The following TMTC2 variants were observed in gnomAD, a reference collection of about 807,000 sequenced individuals.
TMTC2 encodes transmembrane O-mannosyltransferase targeting cadherins 2, also known as protein O-mannosyl-transferase TMTC2.
Under a neutral mutation model 82.4 loss-of-function variants are expected in TMTC2, and 43 were observed. That is an observed-to-expected ratio of 0.52 (90% CI 0.41 to 0.67). The LOEUF is 0.67. TMTC2 is among the 30% of genes least tolerant of loss of function. The pLI, the probability that TMTC2 is intolerant of heterozygous loss-of-function variation, is 0.00. For missense variants in TMTC2, 919 were observed against 1,012.4 expected (o/e 0.91, Z 1.25); for synonymous variants, 408 against 381.9 (o/e 1.07, Z -0.80).
At chr12:82,806,125 A>C (rs1879230421) in intron 1 of TMTC2, among the ~76,000 whole-genome samples, 1 of 152,112 alleles carries the variant, frequency 6.6e-6, no homozygotes, top group South Asian at 2.1e-4. Flanking sequence ...GAGGAATTGG[A>C]AGGAAATCTT....
At chr12:82,783,907 T>C (rs1878035537) in intron 1 of TMTC2, among the ~76,000 whole-genome samples, 1 of 152,106 alleles carries the variant, frequency 6.6e-6, no homozygotes, top group African/African-American at 2.4e-5. Context: ...TGCACCTCTC[T>C]CTGCCTGCTA....
intron 1 of TMTC2, among the ~76,000 whole-genome samples, chr12:82,779,015 C>T (rs142887033): frequency 0.11 from 15,255 of 143,178 alleles, 921 homozygotes; most frequent in Middle Eastern, 0.21. Flanking sequence ...CCAACCTGGG[C>T]GACAGAGCGA....
intron 3 of TMTC2, among the ~76,000 whole-genome samples, chr12:82,911,544 G>C (rs759144879): frequency 6.6e-6 from 1 of 152,020 alleles, no homozygotes; most frequent in Non-Finnish European, 1.5e-5. Flanking sequence ...CATATTAGAC[G>C]TTCTTTTTTA....
At chr12:83,121,987 T>A (rs922219075) in intron 11 of TMTC2, among the ~76,000 whole-genome samples, 1 of 152,084 alleles carries the variant, frequency 6.6e-6, no homozygotes, top group Admixed American at 6.5e-5. Flanking sequence ...GAAGGGCCGG[T>A]CTGACTCCCA....
intron 1 of TMTC2, among the ~76,000 whole-genome samples, chr12:82,719,401 A>G (rs182730135): frequency 5.3e-5 from 8 of 152,184 alleles, no homozygotes; most frequent in African/African-American, 1.9e-4. Context: ...CTGGATGATT[A>G]TATTTTAAAT....
At chr12:82,746,018 A>G (rs892936610) in intron 1 of TMTC2, among the ~76,000 whole-genome samples, 2 of 152,160 alleles carry the variant, frequency 1.3e-5, no homozygotes, top group East Asian at 1.9e-4. Context: ...TGTCAGGCCT[A>G]TTGGTCCTGG....
intron 4 of TMTC2, among the ~76,000 whole-genome samples, chr12:82,952,080 A>G (rs1472670326): frequency 3.3e-5 from 5 of 152,310 alleles, no homozygotes; most frequent in African/African-American, 1.2e-4. Context: ...CGGAGCTCAG[A>G]TTCAATAACT....
chr12:82,798,143 G>A (rs1176522735), intron 1 of TMTC2, among the ~76,000 whole-genome samples: 1 of 150,684 alleles, frequency 6.6e-6, no homozygotes, highest in African/African-American at 2.4e-5. Flanking sequence ...TTTTAGTAGA[G>A]ACGGGGTTTC....
At chr12:82,865,587 C>T (rs1319940565) in intron 2 of TMTC2, among the ~76,000 whole-genome samples, 1 of 152,164 alleles carries the variant, frequency 6.6e-6, no homozygotes, top group African/African-American at 2.4e-5. Flanking sequence ...CCACTGTCAA[C>T]ATTAGACAGA....
chr12:82,960,966 A>C (rs1877898509), intron 4 of TMTC2, among the ~76,000 whole-genome samples: 1 of 151,962 alleles, frequency 6.6e-6, no homozygotes, highest in African/African-American at 2.4e-5. Context: ...ATGATTTATT[A>C]AATTACAGGT....
intron 1 of TMTC2, among the ~76,000 whole-genome samples, chr12:82,717,324 A>C (rs181508071): frequency 8.6e-5 from 13 of 151,886 alleles, no homozygotes; most frequent in Non-Finnish European, 1.8e-4. Context: ...TCCTGGGTTC[A>C]AGCGATTCTC....
At chr12:83,093,609 T>C (rs1010962876) in intron 11 of TMTC2, among the ~76,000 whole-genome samples, 1 of 152,214 alleles carries the variant, frequency 6.6e-6, no homozygotes, top group African/African-American at 2.4e-5. Flanking sequence ...AATCCCCTGC[T>C]GAATCTGTAC....
chr12:82,900,827 C>A (rs1434953193), intron 3 of TMTC2, among the ~76,000 whole-genome samples: 1 of 117,982 alleles, frequency 8.5e-6, no homozygotes. Flanking sequence ...ATATATATAC[C>A]TGGAATATAT....
At chr12:82,882,259 A>C (rs1796181) in intron 2 of TMTC2, among the ~76,000 whole-genome samples, 22,053 of 151,784 alleles carry the variant, frequency 0.15, 4,905 homozygotes, top group African/African-American at 0.48. Context: ...TCGGCCTCCC[A>C]AAGTGCTGGG....
At chr12:82,932,976 A>G (rs1876125578) in intron 4 of TMTC2, among the ~76,000 whole-genome samples, 1 of 152,346 alleles carries the variant, frequency 6.6e-6, no homozygotes, top group Non-Finnish European at 1.5e-5. Flanking sequence ...TATATAAGTC[A>G]TGACAGCATA....
chr12:82,823,992 C>A (rs1256863295), intron 1 of TMTC2, among the ~76,000 whole-genome samples: 1 of 150,520 alleles, frequency 6.6e-6, no homozygotes, highest in East Asian at 2.0e-4. Flanking sequence ...TTCCCAGGTT[C>A]AAGTGATTCT....
At chr12:82,963,796 T>C (rs1161804888) in intron 4 of TMTC2, among the ~76,000 whole-genome samples, 1,171 of 3,546 alleles carry the variant, frequency 0.33, 408 homozygotes, top group Non-Finnish European at 0.36. Context: ...GATTTTCATA[T>C]ATATATATAT....
intron 8 of TMTC2, among the ~76,000 whole-genome samples, chr12:83,012,085 A>T (rs1275402281): frequency 6.6e-6 from 1 of 152,154 alleles, no homozygotes; most frequent in Non-Finnish European, 1.5e-5. Context: ...TCATGAGAGT[A>T]AATAGGTCAC....
chr12:83,031,587 G>A (rs1289223175), intron 9 of TMTC2, among the ~76,000 whole-genome samples: 1 of 152,130 alleles, frequency 6.6e-6, no homozygotes, highest in Non-Finnish European at 1.5e-5. Context: ...CATTTACTTT[G>A]GCTGATCCCT....
Sources: gnomAD v4.1 joint callset for allele counts (sites outside exome capture counted in the v4.1 genomes callset) on GRCh38, gnomAD v4.1.1 for gene constraint, MANE v1.5 for transcripts, NCBI Gene and HGNC (gene_info 2026-07-23, HGNC 2026-07-21) for gene names.